Variants in AP1S1 observed in about 807,000 individuals in gnomAD.
AP1S1 encodes the protein adaptor related protein complex 1 subunit sigma 1, also known as AP-1 complex subunit sigma-1A.
A neutral mutation model predicts 23.9 loss-of-function variants in AP1S1; 13 were observed. The observed-to-expected ratio is 0.54, with a 90% CI of 0.35 to 0.86. The LOEUF (loss-of-function observed/expected upper bound fraction) is 0.86. AP1S1 is among the 40% of genes least tolerant of loss of function. The pLI, the probability that AP1S1 is intolerant of heterozygous loss-of-function variation, is 0.01. For missense variants in AP1S1, 119 were observed against 197.6 expected (o/e 0.60, Z 2.38); for synonymous variants, 84 against 77.7 (o/e 1.08, Z -0.43).
intron 1 of AP1S1, chr7:101,154,800 G>C (rs1796964673): frequency 1.3e-6 from 1 of 788,464 alleles, no homozygotes; most frequent in Non-Finnish European, 1.9e-6. Flanking sequence ...TTGGCCCCTG[G>C]GGTCCCTCGA....
chr7:101,157,282 C>T, intron 2 of AP1S1, 95 bp from the exon 3 acceptor site: 1 of 1,025,778 alleles, frequency 9.7e-7, no homozygotes, highest in South Asian at 1.5e-5. Flanking sequence ...CCAGCCAGGG[C>T]ACAGACCACC....
intron 1 of AP1S1, 173 bp downstream of exon 1, chr7:101,154,690 G>A: frequency 1.9e-6 from 1 of 532,802 alleles, no homozygotes; most frequent in Non-Finnish European, 2.6e-6. Context: ...GGGGGAGGTG[G>A]CATTCGGGAG....
In AP1S1 at chr7:101,159,163, G is replaced by A. The variant is rs1266441233; in HGVS notation, c.396G>A (p.Leu132=). 4.3e-6 allele frequency: 7 copies of A among 1,613,402 alleles called. No individual in the cohort carries two copies. The Middle Eastern group carries it at 6.6e-4, about 152-fold the overall frequency. ...AGGACACCTCCAAGAAGAGTGTGCT[G>A]AAAGCCATCGAGCAGGCTGACCTAC... ...DVQDTSKKSV[L]KAIEQADLLQ... Residue 132 remains leucine (L), a synonymous_variant, in exon 4 of 5, where the codon CTG becomes CTA. Coordinates refer to ENST00000337619, the MANE Select transcript of AP1S1 (RefSeq NM_001283.5).
At position 101,156,707 on chromosome 7, in the gene AP1S1, C is replaced by T. The variant is rs148305541; in HGVS notation, c.117C>T (p.Val39=). ...TGGTGCGCGAGCTCATGCAGGTTGT[C>T]CTGGCTCGAAAGCCCAAGATGTGCA... The part of the protein sequence containing the change: ...KKMVRELMQV[V]LARKPKMCSF... The change falls in exon 2 of 5, where the codon GTC becomes GTT. Residue 39 remains valine, a synonymous_variant. Coordinates refer to ENST00000337619, the MANE Select transcript of AP1S1 (RefSeq NM_001283.5). 5.6e-6 allele frequency: 9 copies of T among 1,606,894 alleles called. No homozygotes were observed. Among genetic ancestry groups the T allele is most frequent in the Non-Finnish European group, 7.6e-6 (9 of 1,176,588 alleles).
chr7:101,160,096 A>G (rs1056895434), intron 4 of AP1S1, among the ~76,000 whole-genome samples: 3 of 151,868 alleles, frequency 2.0e-5, no homozygotes, highest in African/African-American at 7.3e-5. Context: ...ACCTTCCCTC[A>G]GGGACCTGGC....
In AP1S1 at chr7:101,160,634, C is replaced by A. The variant is rs953147747; in HGVS notation, c.*68C>A. The A allele has an allele frequency of 2.6e-6, 4 of 1,560,658 alleles. No individual in the cohort carries two copies. Among genetic ancestry groups the A allele is most frequent in the Non-Finnish European group, 3.5e-6 (4 of 1,143,226 alleles). On this transcript the variant is annotated 3_prime_UTR_variant, in exon 5 of 5. Transcript: ENST00000337619. ...GGCGGGAACGGCTGCTTCTCCTCTG[C>A]CCAGGGCCCTGTTCTTGGTGGGACT...
chr7:101,157,588 G>A, intron 3 of AP1S1, 103 bp downstream of exon 3: 1 of 878,712 alleles, frequency 1.1e-6, no homozygotes, highest in Non-Finnish European at 1.9e-6. Flanking sequence ...TTTCAGGGGA[G>A]AGGTGAAGTT....
intron 1 of AP1S1, chr7:101,155,125 C>G (rs1448510806): frequency 1.3e-6 from 1 of 786,736 alleles, no homozygotes; most frequent in Admixed American, 6.2e-5. Context: ...CATTCTCTTT[C>G]CGGAATCCAG....
intron 2 of AP1S1, 67 bp downstream of exon 2, chr7:101,156,839 A>G: frequency 2.1e-6 from 3 of 1,399,780 alleles, no homozygotes; most frequent in Non-Finnish European, 2.8e-6. Context: ...ATGTCTGAGA[A>G]ATGGTCGTCC....
chr7:101,158,531 G>A (rs780727646), intron 3 of AP1S1, among the ~76,000 whole-genome samples: 63 of 152,118 alleles, frequency 4.1e-4, no homozygotes, highest in Admixed American at 2.4e-3. Flanking sequence ...GGAAGGCAAG[G>A]GGAACCATAG....
Position 101,154,532 on chromosome 7 carries a change from G to C in AP1S1, c.3+15G>C. On this transcript the variant is annotated intron_variant, in intron 1 of 4. Coordinates refer to ENST00000337619, the MANE Select transcript of AP1S1 (RefSeq NM_001283.5). ...GCTGCAGGATGGTAGGCTGTGCGAAGAGGGAGGGGAGGGGGAAGCGAGGGG... is the reference window on the plus strand; with the variant it reads ...GCTGCAGGATGGTAGGCTGTGCGAACAGGGAGGGGAGGGGGAAGCGAGGGG... 1 of 1,566,350 alleles carries C rather than the reference G, an allele frequency of 6.4e-7. No individual in the cohort carries two copies. The highest frequency in any genetic ancestry group is 8.6e-7 in the Non-Finnish European group (1 of 1,156,234).
intron 3 of AP1S1, among the ~76,000 whole-genome samples, chr7:101,158,358 A>T (rs1025500749): frequency 6.6e-6 from 1 of 152,128 alleles, no homozygotes; most frequent in Non-Finnish European, 1.5e-5. Context: ...TGAGACTTAG[A>T]GATGTTTCAT....
intron 1 of AP1S1, among the ~76,000 whole-genome samples, chr7:101,155,198 G>T (rs947095889): frequency 6.6e-6 from 1 of 151,636 alleles, no homozygotes; most frequent in Non-Finnish European, 1.5e-5. Context: ...GCTCCCCAGC[G>T]CCCCTCTTTT....
At position 101,159,505 on chromosome 7, in the gene AP1S1, A is replaced by G. The variant is rs11983381; in HGVS notation, c.429+309A>G. 0.16 allele frequency: 53,458 copies of G among 343,222 alleles called. 4,425 individuals are homozygous for G. The highest frequency in any genetic ancestry group is 0.22 in the South Asian group (5,509 of 25,550). The allele number at this position is 343,222 out of a possible 1,614,324, so 21.3% of individuals were successfully genotyped here. The stretch of plus-strand genomic sequence containing the variant: ...ATTCTCTGAGCAAGGCTTAACACCA[A>G]AGGGTTAAGGGTTTGCTCTGGAGTT... On this transcript the variant is annotated intron_variant, in intron 4 of 4. Coordinates refer to ENST00000337619, the MANE Select transcript of AP1S1 (RefSeq NM_001283.5).
At chr7:101,158,725 G>A (rs1461912557) in intron 3 of AP1S1, among the ~76,000 whole-genome samples, 1 of 152,096 alleles carries the variant, frequency 6.6e-6, no homozygotes, top group Admixed American at 6.5e-5. Flanking sequence ...AACATGGCAA[G>A]ACCCTATCTC....
intron 1 of AP1S1, among the ~76,000 whole-genome samples, chr7:101,155,812 A>G (rs1796983303): frequency 6.6e-6 from 1 of 152,148 alleles, no homozygotes; most frequent in Non-Finnish European, 1.5e-5. Context: ...GGATAGAGAG[A>G]GGGTGGAAGA....
intron 1 of AP1S1, among the ~76,000 whole-genome samples, chr7:101,155,253 C>T (rs924502683): frequency 6.6e-6 from 1 of 152,166 alleles, no homozygotes; most frequent in Non-Finnish European, 1.5e-5. Context: ...TGATTTTTCA[C>T]TTACTAAGCT....
chr7:101,157,288 C>A, intron 2 of AP1S1, 89 bp from the exon 3 acceptor site: 1 of 1,105,066 alleles, frequency 9.0e-7, no homozygotes, highest in Non-Finnish European at 1.3e-6. Context: ...AGGGCACAGA[C>A]CACCTCCAGG....
intron 4 of AP1S1, among the ~76,000 whole-genome samples, chr7:101,159,887 G>A (rs1797060218): frequency 6.6e-6 from 1 of 151,754 alleles, no homozygotes; most frequent in African/African-American, 2.4e-5. Flanking sequence ...GGGCGAGGGA[G>A]GGCTCATCTT....
Sources: gnomAD v4.1 joint callset for allele counts (sites outside exome capture counted in the v4.1 genomes callset) on GRCh38, gnomAD v4.1.1 for gene constraint, MANE v1.5 for transcripts, NCBI Gene and HGNC (gene_info 2026-07-23, HGNC 2026-07-21) for gene names.